TFEC: variants seen among roughly 807,000 people sequenced by gnomAD.
The protein encoded by TFEC is transcription factor EC, also known as class E basic helix-loop-helix protein 34.
In TFEC, 31 loss-of-function variants were observed where a neutral mutation model predicts 41.6. The ratio of observed to expected loss-of-function variants is 0.74; its 90% CI spans 0.56 to 1.01. The LOEUF is 1.01. Among genes scored for constraint, TFEC ranks in the 50% least tolerant of loss-of-function variants. The pLI is 0.00. For missense variants in TFEC, 402 were observed against 404.1 expected, an observed-to-expected ratio of 0.99 and a Z score of 0.04; for synonymous variants, 143 against 140.6, an observed-to-expected ratio of 1.02 and a Z score of -0.12.
At chr7:116,124,279 C>T (rs1169028655) in intron 1 of TFEC, among the ~76,000 whole-genome samples, 4 of 151,814 alleles carry the variant, frequency 2.6e-5, no homozygotes, top group East Asian at 1.9e-4. Flanking sequence ...GAGGGAAAAA[C>T]GGGGGAAAAA....
At chr7:116,024,073 C>G (rs903733435) in intron 1 of TFEC, among the ~76,000 whole-genome samples, 1 of 152,126 alleles carries the variant, frequency 6.6e-6, no homozygotes, top group Non-Finnish European at 1.5e-5. Context: ...CCATCTACTG[C>G]TTCGACATTA....
At chr7:116,148,050 T>C (rs1265072824) in intron 1 of TFEC, among the ~76,000 whole-genome samples, 1 of 152,126 alleles carries the variant, frequency 6.6e-6, no homozygotes, top group Non-Finnish European at 1.5e-5. Context: ...AATAGGGCTA[T>C]TGGAAGAGGA....
intron 3 of TFEC, among the ~76,000 whole-genome samples, chr7:116,102,793 G>A (rs1008574494): frequency 4.6e-5 from 7 of 152,152 alleles, no homozygotes; most frequent in Non-Finnish European, 7.4e-5. Flanking sequence ...ATTTGAAGTG[G>A]CATCTATGTA....
intron 1 of TFEC, among the ~76,000 whole-genome samples, chr7:116,007,889 C>A (rs186121503): frequency 6.6e-6 from 1 of 152,176 alleles, no homozygotes; most frequent in Non-Finnish European, 1.5e-5. Flanking sequence ...TCTTTCTATA[C>A]AGAAAGCATA....
intron 1 of TFEC, among the ~76,000 whole-genome samples, chr7:116,140,114 G>A (rs1450388578): frequency 6.6e-6 from 1 of 152,170 alleles, no homozygotes; most frequent in Non-Finnish European, 1.5e-5. Context: ...AGAGGTGAAG[G>A]ACTGTGAGGA....
At chr7:116,055,363 T>C (rs1366549788) in intron 3 of TFEC, among the ~76,000 whole-genome samples, 3 of 152,130 alleles carry the variant, frequency 2.0e-5, no homozygotes, top group South Asian at 2.1e-4. Context: ...ATGCTATTAC[T>C]ATTTATTGAA....
chr7:116,120,315 T>C (rs1478880330), intron 1 of TFEC: 1 of 152,004 alleles, frequency 6.6e-6, no homozygotes, highest in Non-Finnish European at 1.5e-5. Context: ...GGAATTTTCT[T>C]TTCCTAGATT....
At chr7:115,998,193 G>A (rs34235058) in intron 1 of TFEC, among the ~76,000 whole-genome samples, 20,806 of 151,812 alleles carry the variant, frequency 0.14, 1,921 homozygotes, top group Non-Finnish European at 0.21. Context: ...ATAAAGAAAG[G>A]ATCCTAAAAT....
At chr7:115,974,291 T>A in intron 2 of TFEC, 35 bp from the exon 3 acceptor site, 1 of 1,450,140 alleles carries the variant, frequency 6.9e-7, no homozygotes, top group Non-Finnish European at 9.2e-7. Flanking sequence ...ATATTGTACA[T>A]AATGATAAAA....
At chr7:116,133,512 G>A (rs1798375411) in intron 1 of TFEC, among the ~76,000 whole-genome samples, 1 of 151,474 alleles carries the variant, frequency 6.6e-6, no homozygotes, top group Admixed American at 6.6e-5. Flanking sequence ...CTCCAGCCTG[G>A]GTGACAGAAC....
chr7:116,051,793 T>C (rs183868372), intron 3 of TFEC, among the ~76,000 whole-genome samples: 209 of 152,266 alleles, frequency 1.4e-3, no homozygotes, highest in Non-Finnish European at 2.0e-3. Context: ...GTACTTTTCA[T>C]GCACTATTGA....
chr7:115,997,326 T>TA (rs1437938814), intron 1 of TFEC, among the ~76,000 whole-genome samples: 1 of 151,740 alleles, frequency 6.6e-6, no homozygotes, highest in East Asian at 1.9e-4. Flanking sequence ...GGATCTTATC[T>TA]AAGACCGCCA....
At chr7:116,015,653 A>T (rs948448514) in intron 1 of TFEC, among the ~76,000 whole-genome samples, 15 of 152,184 alleles carry the variant, frequency 9.9e-5, no homozygotes, top group African/African-American at 3.4e-4. Context: ...AATATTACCG[A>T]TAATATATAG....
intron 3 of TFEC, among the ~76,000 whole-genome samples, chr7:116,100,944 G>GT (rs925541331): frequency 1.3e-4 from 19 of 150,822 alleles, no homozygotes; most frequent in South Asian, 2.1e-4. Flanking sequence ...GGAAGCAAAT[G>GT]TTTTTTTTTC....
At chr7:116,063,512 C>T (rs1244065411) in intron 3 of TFEC, among the ~76,000 whole-genome samples, 6 of 151,874 alleles carry the variant, frequency 4.0e-5, no homozygotes, top group Non-Finnish European at 7.4e-5. Context: ...CCAGCTACTC[C>T]GGAGGCTGAG....
At chr7:115,951,036 AAAC>A in intron 5 of TFEC, 87 bp from the exon 6 acceptor site, 1 of 696,954 alleles carries the variant, frequency 1.4e-6, no homozygotes, top group Non-Finnish European at 2.2e-6. Flanking sequence ...AATCTTTTAA[AAAC>A]AATGGGAAAA....
At chr7:116,131,644 G>A (rs181997223) in intron 1 of TFEC, among the ~76,000 whole-genome samples, 41 of 152,082 alleles carry the variant, frequency 2.7e-4, no homozygotes, top group African/African-American at 8.9e-4. Context: ...ACTGTCCACT[G>A]TCTATATTTA....
At chr7:116,121,534 C>G (rs576903189) in intron 1 of TFEC, 30 of 151,958 alleles carry the variant, frequency 2.0e-4, no homozygotes, top group Non-Finnish European at 3.7e-4. Flanking sequence ...AAATTGTACA[C>G]TTTAAAATAG....
chr7:115,980,731 C>T (rs893188845), intron 2 of TFEC, among the ~76,000 whole-genome samples: 1 of 150,862 alleles, frequency 6.6e-6, no homozygotes, highest in Admixed American at 6.6e-5. Flanking sequence ...GCCTGGGCAA[C>T]AGAGGGAGAC....
Sources: allele counts gnomAD v4.1 joint callset (sites outside exome capture counted in the v4.1 genomes callset), GRCh38; gene constraint gnomAD v4.1.1; transcripts MANE v1.5; gene names NCBI Gene and HGNC (gene_info 2026-07-23, HGNC 2026-07-21).